Variants in PTK2 observed in about 807,000 individuals in gnomAD.
PTK2 encodes the protein protein tyrosine kinase 2.
Under a neutral mutation model 150.1 loss-of-function variants are expected in PTK2, and 45 were observed. That is an observed-to-expected ratio of 0.30 (90% CI 0.24 to 0.38). The LOEUF (loss-of-function observed/expected upper bound fraction) is 0.38. Among genes scored for constraint, PTK2 ranks in the 10% least tolerant of loss-of-function variants. The pLI, the probability that PTK2 is intolerant of heterozygous loss-of-function variation, is 1.00. For missense variants in PTK2, 919 were observed against 1,307.3 expected, an observed-to-expected ratio of 0.70 and a Z score of 4.58; for synonymous variants, 432 against 449.2, an observed-to-expected ratio of 0.96 and a Z score of 0.48.
chr8:140,967,585 C>A (rs758367067), intron 1 of PTK2, among the ~76,000 whole-genome samples: 1 of 151,724 alleles, frequency 6.6e-6, no homozygotes. Context: ...CTCAGCCTCC[C>A]GAGTGGCTAG....
At chr8:140,994,887 C>G (rs1210108307) in intron 1 of PTK2, among the ~76,000 whole-genome samples, 1 of 152,030 alleles carries the variant, frequency 6.6e-6, no homozygotes, top group Non-Finnish European at 1.5e-5. Flanking sequence ...GAGTTCAAGA[C>G]CAACCTGACC....
chr8:140,818,785 G>T (rs1401464895), intron 9 of PTK2, 95 bp downstream of exon 9: 2 of 1,342,806 alleles, frequency 1.5e-6, no homozygotes, highest in African/African-American at 1.5e-5. Flanking sequence ...AATGGGACAA[G>T]TTAGCATTTT....
intron 2 of PTK2, among the ~76,000 whole-genome samples, chr8:140,907,650 A>G (rs1188231505): frequency 6.6e-6 from 1 of 152,182 alleles, no homozygotes; most frequent in Non-Finnish European, 1.5e-5. Flanking sequence ...GCATATGCCC[A>G]CTTTACCAAA....
chr8:140,757,277 C>G (rs904159163), intron 16 of PTK2, among the ~76,000 whole-genome samples: 5 of 152,096 alleles, frequency 3.3e-5, no homozygotes, highest in Non-Finnish European at 7.4e-5. Context: ...CTAAATTTGT[C>G]TGTTTGTTTC....
chr8:140,808,414 T>C (rs1566800659), intron 10 of PTK2, among the ~76,000 whole-genome samples: 3 of 152,224 alleles, frequency 2.0e-5, no homozygotes, highest in Non-Finnish European at 4.4e-5. Context: ...CCAATCTTGC[T>C]TTCTTCTACT....
At chr8:140,925,530 A>G in intron 2 of PTK2, 131 bp downstream of exon 2, 1 of 597,864 alleles carries the variant, frequency 1.7e-6, no homozygotes, top group Non-Finnish European at 2.1e-6. Context: ...GGTTAAAATC[A>G]AAGAAATATT....
intron 5 of PTK2, among the ~76,000 whole-genome samples, chr8:140,850,862 CTG>C (rs1476044228): frequency 6.6e-6 from 1 of 152,216 alleles, no homozygotes; most frequent in Admixed American, 6.5e-5. Flanking sequence ...AATATAAAAA[CTG>C]TTCACATTTT....
rs2100096763 is a variant in PTK2, at chr8:140,803,899, G to GA, written c.868-250dup. On this transcript the variant is annotated intron_variant, in intron 10 of 31. Transcript: ENST00000522684. ...AGACCCATACATGAGTTGGATGAGT[G>GA]AGAGTACAGTTACCACTGAGAGAGA... Among the ~76,000 whole-genome samples, 4 of 152,344 alleles carry GA rather than the reference G, an allele frequency of 2.6e-5. No individual in the cohort carries two copies. In the South Asian group the frequency reaches 8.3e-4, roughly 32 times the overall value.
At chr8:140,979,131 G>C (rs1422048568) in intron 1 of PTK2, among the ~76,000 whole-genome samples, 1 of 117,016 alleles carries the variant, frequency 8.5e-6, no homozygotes, top group Non-Finnish European at 1.7e-5. Flanking sequence ...GAGGGGGGAG[G>C]GATAGCATTA....
intron 16 of PTK2, among the ~76,000 whole-genome samples, chr8:140,758,110 G>A (rs2100066962): frequency 6.6e-6 from 1 of 151,556 alleles, no homozygotes; most frequent in African/African-American, 2.4e-5. Context: ...TTATTTTTTA[G>A]AGGCAGAGTC....
chr8:140,876,297 G>C (rs1218841249), intron 4 of PTK2, among the ~76,000 whole-genome samples: 1 of 152,164 alleles, frequency 6.6e-6, no homozygotes, highest in African/African-American at 2.4e-5. Flanking sequence ...TAAGGAAAAT[G>C]TCTTTATCTC....
chr8:140,714,118 G>C (rs2100038235), intron 23 of PTK2, among the ~76,000 whole-genome samples: 1 of 152,080 alleles, frequency 6.6e-6, no homozygotes, highest in Non-Finnish European at 1.5e-5. Flanking sequence ...CAATTCCTGG[G>C]CTCAAGTGAT....
intron 2 of PTK2, among the ~76,000 whole-genome samples, chr8:140,898,646 C>T (rs2100157255): frequency 6.6e-6 from 1 of 152,036 alleles, no homozygotes; most frequent in Non-Finnish European, 1.5e-5. Context: ...CTACATAATG[C>T]AGCACATACA....
At chr8:140,864,447 C>A in intron 4 of PTK2, 48 bp from the exon 5 acceptor site, 2 of 1,113,754 alleles carry the variant, frequency 1.8e-6, no homozygotes, top group South Asian at 1.5e-5. Context: ...GTCATTTTCT[C>A]AATTTACAGT....
Position 140,709,507 on chromosome 8 carries a change from G to A in PTK2, c.2143-3302C>T, listed in dbSNP as rs538182417. Among the ~76,000 whole-genome samples, 68 of 152,322 alleles carry A rather than the reference G, an allele frequency of 4.5e-4. 1 individual carries two copies. Among genetic ancestry groups the A allele is most frequent in the Middle Eastern group, 3.4e-3 (1 of 294 alleles). ...TCAGAGGTTAGCATGGTGGTCAAGA[G>A]GGCAGGCTTTGAGCCAGACTGTCAG... On this transcript the variant is annotated intron_variant, in intron 23 of 31. Coordinates refer to ENST00000522684, the Ensembl canonical transcript of PTK2.
chr8:140,780,840 G>C (rs1213452270), intron 14 of PTK2, among the ~76,000 whole-genome samples: 1 of 152,174 alleles, frequency 6.6e-6, no homozygotes, highest in Non-Finnish European at 1.5e-5. Flanking sequence ...TATGTAAGTG[G>C]ACAGAGGCAG....
At chr8:140,840,934 C>G (rs2154603855) in intron 7 of PTK2, among the ~76,000 whole-genome samples, 1 of 152,108 alleles carries the variant, frequency 6.6e-6, no homozygotes, top group Middle Eastern at 3.4e-3. Context: ...CAAGGCTAAC[C>G]TAAAGAAAGC....
intron 7 of PTK2, among the ~76,000 whole-genome samples, chr8:140,837,217 C>T (rs1051922117): frequency 9.2e-5 from 14 of 152,136 alleles, no homozygotes; most frequent in African/African-American, 1.9e-4. Context: ...CAGGAAGTAA[C>T]GTACCAGGGA....
At chr8:140,846,481 A>T (rs1297887600) in intron 6 of PTK2, 118 bp downstream of exon 6, 2 of 1,140,046 alleles carry the variant, frequency 1.8e-6, no homozygotes, top group East Asian at 5.1e-5. Flanking sequence ...AATTTACTCA[A>T]ATTTTATTCA....
Sources: gnomAD v4.1 joint callset for allele counts (sites outside exome capture counted in the v4.1 genomes callset) on GRCh38, gnomAD v4.1.1 for gene constraint, MANE v1.5 for transcripts, NCBI Gene and HGNC (gene_info 2026-07-23, HGNC 2026-07-21) for gene names.